Variants in CREBRF observed in about 807,000 individuals in gnomAD.
CREBRF encodes CREB3 regulatory factor.
CREBRF carries 5 observed loss-of-function variants against 66.1 expected under a neutral mutation model. The ratio of observed to expected loss-of-function variants is 0.08; its 90% CI spans 0.04 to 0.16. The LOEUF (loss-of-function observed/expected upper bound fraction) is 0.16, where lower values mean the gene tolerates loss of function less well. CREBRF is among the 10% of genes least tolerant of loss of function. CREBRF has a pLI of 1.00. For synonymous variants in CREBRF, 229 were observed against 264.4 expected (o/e 0.87, Z 1.30); for missense variants, 531 against 744.9 (o/e 0.71, Z 3.34).
In CREBRF at chr5:173,136,897, C is replaced by T. The variant is rs1435342563; in HGVS notation, c.*3152C>T. 6.6e-6 allele frequency: 1 copy of T among 152,054 alleles called. No homozygotes were observed. The highest frequency in any genetic ancestry group is 1.9e-4 in the East Asian group (1 of 5,190). The allele number at this position is 152,054 out of a possible 1,614,324, so 9.4% of individuals were successfully genotyped here. A position where few individuals can be genotyped will look rare whatever the true frequency, so the allele number is the denominator to read the frequency against. ...TTTAAGTGAAGGCATTGTGAATTCA[C>T]CTCAAGTAAACCCATTGTTCCAAAG... On this transcript the variant is annotated 3_prime_UTR_variant, in exon 9 of 9. Transcript: ENST00000296953.
chr5:173,094,000 G>A (rs762435785), intron 4 of CREBRF, among the ~76,000 whole-genome samples: 2 of 151,880 alleles, frequency 1.3e-5, no homozygotes, highest in African/African-American at 2.4e-5. Flanking sequence ...CTAAGATTTC[G>A]CATGTAAATG....
At chr5:173,117,394 A>AAG (rs1554126323) in intron 7 of CREBRF, among the ~76,000 whole-genome samples, 65,542 of 144,702 alleles carry the variant, frequency 0.45, 16,166 homozygotes, top group Non-Finnish European at 0.57. Flanking sequence ...AAAAAAAAAA[A>AAG]TAAGTAAGTA....
At chr5:173,126,475 C>T (rs532326314) in intron 8 of CREBRF, among the ~76,000 whole-genome samples, 97 of 152,234 alleles carry the variant, frequency 6.4e-4, no homozygotes, top group African/African-American at 2.3e-3. Context: ...TGCTCCTGTC[C>T]TGCAAGAGTC....
intron 2 of CREBRF, chr5:173,085,881 G>C (rs901373746): frequency 6.7e-5 from 55 of 826,190 alleles, no homozygotes; most frequent in Middle Eastern, 2.2e-4. Context: ...AGATCAGTTT[G>C]GGTCCCAACA....
intron 1 of CREBRF, among the ~76,000 whole-genome samples, chr5:173,063,516 C>T (rs1382273893): frequency 2.0e-5 from 3 of 151,868 alleles, no homozygotes; most frequent in East Asian, 1.9e-4. Flanking sequence ...TACAGGAGCA[C>T]GTCACCACAC....
chr5:173,126,656 T>C (rs1759282233), intron 8 of CREBRF, among the ~76,000 whole-genome samples: 1 of 152,202 alleles, frequency 6.6e-6, no homozygotes, highest in African/African-American at 2.4e-5. Flanking sequence ...GGGTAACCTA[T>C]TCGCTATATG....
chr5:173,066,808 C>CTTTTTTTTTTTTTTTTTTTTTTTTTTT (rs34093582), intron 1 of CREBRF, among the ~76,000 whole-genome samples: 1 of 63,032 alleles, frequency 1.6e-5, no homozygotes, highest in Non-Finnish European at 2.8e-5. Context: ...TTCATTGAAT[C>CTTTTTTTTTTTTTTTTTTTTTTTTTTT]TTTTTTTTTT....
At chr5:173,100,030 C>G (rs1758576888) in intron 4 of CREBRF, among the ~76,000 whole-genome samples, 1 of 146,428 alleles carries the variant, frequency 6.8e-6, no homozygotes. Context: ...CCTTAGCCTC[C>G]CAAGTAGCTG....
At chr5:173,094,645 C>A (rs1758434765) in intron 4 of CREBRF, among the ~76,000 whole-genome samples, 1 of 152,030 alleles carries the variant, frequency 6.6e-6, no homozygotes, top group Non-Finnish European at 1.5e-5. Context: ...CTTGCTATTA[C>A]ATTGTTTGGG....
chr5:173,082,097 T>C (rs2113711149), intron 2 of CREBRF, among the ~76,000 whole-genome samples: 1 of 137,046 alleles, frequency 7.3e-6, no homozygotes, highest in East Asian at 2.5e-4. Flanking sequence ...CACTGCAAGC[T>C]CCACCTCCCG....
intron 8 of CREBRF, among the ~76,000 whole-genome samples, chr5:173,125,554 G>A (rs920468818): frequency 2.6e-5 from 4 of 152,060 alleles, no homozygotes; most frequent in East Asian, 1.9e-4. Context: ...CAGAGTCTCC[G>A]CTTTTCAGTT....
Position 173,137,017 on chromosome 5 carries a change from T to C in CREBRF, c.*3272T>C, listed in dbSNP as rs1759601388. The C allele has an allele frequency of 6.6e-6, 1 of 152,188 alleles. No individual in the cohort carries two copies. The allele number at this position is 152,188 out of a possible 1,614,324, so 9.4% of individuals were successfully genotyped here. ...CTAGTTTCAGATACACTGGATTCTTTATAGAGTTTGTCTCCATATGAAAGC... is the reference window on the plus strand; with the variant it reads ...CTAGTTTCAGATACACTGGATTCTTCATAGAGTTTGTCTCCATATGAAAGC... On this transcript the variant is annotated 3_prime_UTR_variant, in exon 9 of 9. Coordinates refer to ENST00000296953, the MANE Select transcript of CREBRF (RefSeq NM_153607.3).
At chr5:173,132,980 TA>T (rs1220466077) in intron 8 of CREBRF, among the ~76,000 whole-genome samples, 2 of 152,118 alleles carry the variant, frequency 1.3e-5, no homozygotes, top group Admixed American at 6.6e-5. Flanking sequence ...TCTTAATACT[TA>T]AAAAAATGTA....
At chr5:173,095,355 A>T (rs1477662206) in intron 4 of CREBRF, among the ~76,000 whole-genome samples, 1 of 151,242 alleles carries the variant, frequency 6.6e-6, no homozygotes, top group African/African-American at 2.4e-5. Context: ...CGCCCAGCTA[A>T]TTTTTTTGTA....
At position 173,085,511 on chromosome 5, in the gene CREBRF, G is replaced by C; in HGVS notation, c.10-990G>C. ...AGCTTACTGCAACCTTCGCCTCCCAGGTTCAAGCGATTCTCCTACCTCAGC... is the reference window on the plus strand; with the variant it reads ...AGCTTACTGCAACCTTCGCCTCCCACGTTCAAGCGATTCTCCTACCTCAGC... On this transcript the variant is annotated intron_variant, in intron 2 of 8. Coordinates refer to ENST00000296953, the MANE Select transcript of CREBRF (RefSeq NM_153607.3). 1.1e-5 allele frequency: 6 copies of C among 530,612 alleles called. No homozygotes were observed. In the East Asian group the frequency reaches 1.3e-4, roughly 11 times the overall value. 32.9% of individuals were successfully genotyped at this position (530,612 alleles called of 1,614,324 possible). A position where few individuals can be genotyped will look rare whatever the true frequency, so the allele number is the denominator to read the frequency against.
intron 2 of CREBRF, among the ~76,000 whole-genome samples, chr5:173,084,803 G>C (rs544868162): frequency 1.3e-3 from 192 of 152,036 alleles, no homozygotes; most frequent in South Asian, 2.1e-3. Context: ...CACCACACCC[G>C]GCTAATTTTG....
intron 1 of CREBRF, among the ~76,000 whole-genome samples, chr5:173,062,938 G>T (rs993976761): frequency 2.6e-5 from 4 of 151,682 alleles, no homozygotes; most frequent in Admixed American, 2.6e-4. Context: ...TAGTAGAGAC[G>T]GGGTTTCACC....
intron 6 of CREBRF, among the ~76,000 whole-genome samples, chr5:173,111,897 A>G (rs150001052): frequency 5.3e-5 from 8 of 152,250 alleles, no homozygotes; most frequent in Non-Finnish European, 5.9e-5. Flanking sequence ...AACTTTTGGT[A>G]TTATCAGTTT....
intron 4 of CREBRF, 155 bp downstream of exon 4, chr5:173,091,556 A>C: frequency 7.0e-7 from 1 of 1,437,926 alleles, no homozygotes; most frequent in East Asian, 2.4e-5. Flanking sequence ...TGGTTTTTCT[A>C]TTCAAATAGC....
Sources: gnomAD v4.1 joint callset for allele counts (sites outside exome capture counted in the v4.1 genomes callset) on GRCh38, gnomAD v4.1.1 for gene constraint, MANE v1.5 for transcripts, NCBI Gene and HGNC (gene_info 2026-07-23, HGNC 2026-07-21) for gene names.